The following BANK1 variants were observed in gnomAD, a reference collection of about 807,000 sequenced individuals.
BANK1 encodes B-cell scaffold protein with ankyrin repeats.
Under a neutral mutation model 94.5 loss-of-function variants are expected in BANK1, and 95 were observed. The ratio of observed to expected loss-of-function variants is 1.00; its 90% CI spans 0.85 to 1.19. BANK1 has a LOEUF of 1.19. Ranked by LOEUF, BANK1 falls within the 50% of genes most tolerant of loss-of-function variation. The pLI is 0.00. For synonymous variants in BANK1, 334 were observed against 308.4 expected, an observed-to-expected ratio of 1.08 and a Z score of -0.87; for missense variants, 987 against 932.2, an observed-to-expected ratio of 1.06 and a Z score of -0.77.
At chr4:101,845,852 G>A (rs1485185766) in intron 2 of BANK1, among the ~76,000 whole-genome samples, 1 of 152,128 alleles carries the variant, frequency 6.6e-6, no homozygotes, top group Non-Finnish European at 1.5e-5. Context: ...TTGGGCCATA[G>A]GGTTTTTGTT....
intron 7 of BANK1, among the ~76,000 whole-genome samples, chr4:102,017,212 T>C (rs1726733722): frequency 1.3e-5 from 2 of 152,122 alleles, no homozygotes; most frequent in South Asian, 4.1e-4. Context: ...GTTACAGTCT[T>C]AACAAAGAAC....
At chr4:101,879,198 A>C (rs1728591176) in intron 5 of BANK1, among the ~76,000 whole-genome samples, 1 of 152,036 alleles carries the variant, frequency 6.6e-6, no homozygotes, top group Non-Finnish European at 1.5e-5. Context: ...AAAATTGACA[A>C]ACCTTTAGCA....
intron 6 of BANK1, among the ~76,000 whole-genome samples, chr4:101,917,029 T>C (rs1383335085): frequency 6.6e-6 from 1 of 152,046 alleles, no homozygotes; most frequent in African/African-American, 2.4e-5. Flanking sequence ...AGTAAATGTG[T>C]GCATTTAAGA....
intron 7 of BANK1, among the ~76,000 whole-genome samples, chr4:101,983,985 A>C (rs1725405913): frequency 6.6e-6 from 1 of 152,064 alleles, no homozygotes; most frequent in Non-Finnish European, 1.5e-5. Flanking sequence ...ATATGTTCTG[A>C]CTGTATTAAA....
At chr4:101,973,081 A>G (rs1295703335) in intron 7 of BANK1, among the ~76,000 whole-genome samples, 2 of 151,924 alleles carry the variant, frequency 1.3e-5, no homozygotes, top group South Asian at 4.1e-4. Flanking sequence ...CTATTACCCA[A>G]CGTGGTAAAT....
chr4:102,056,172 A>G (rs1728221885), intron 11 of BANK1, among the ~76,000 whole-genome samples: 1 of 152,186 alleles, frequency 6.6e-6, no homozygotes, highest in Non-Finnish European at 1.5e-5. Flanking sequence ...CCCTCATCCT[A>G]CTGGTGAGAC....
chr4:102,026,595 G>A lies in BANK1; in HGVS notation c.1594+1086G>A, dbSNP rs141805712. Reference sequence around the variant, plus strand: ...TGTAATCCCAGCACTTTGGGAGGCCGAGGCAGGCGATTCACCTGAGGTCAG... The same window carrying A: ...TGTAATCCCAGCACTTTGGGAGGCCAAGGCAGGCGATTCACCTGAGGTCAG... On this transcript the variant is annotated intron_variant, in intron 9 of 16. Transcript: ENST00000322953. 7.0e-3 allele frequency among the ~76,000 whole-genome samples: 1,059 copies of A among 152,148 alleles called. 8 individuals are homozygous for A. Among genetic ancestry groups the A allele is most frequent in the Middle Eastern group, 0.054 (16 of 294 alleles).
At chr4:101,978,274 A>C (rs1324352258) in intron 7 of BANK1, among the ~76,000 whole-genome samples, 2 of 152,134 alleles carry the variant, frequency 1.3e-5, no homozygotes, top group South Asian at 4.1e-4. Context: ...CAGTTCTTCA[A>C]AGATCATACA....
intron 14 of BANK1, among the ~76,000 whole-genome samples, 160 bp downstream of exon 14, chr4:102,071,464 C>T (rs1477931841): frequency 2.0e-5 from 3 of 152,100 alleles, no homozygotes; most frequent in Admixed American, 6.5e-5. Flanking sequence ...CCAAAATAAA[C>T]GTGAAGCGAC....
Position 102,073,760 on chromosome 4 carries a change from G to A in BANK1, c.*5+12G>A, listed in dbSNP as rs751138824. The A allele has an allele frequency of 1.3e-6, 2 of 1,593,860 alleles. No homozygotes were observed. Among genetic ancestry groups the A allele is most frequent in the Non-Finnish European group, 1.7e-6 (2 of 1,165,200 alleles). On this transcript the variant is annotated intron_variant, in intron 16 of 16. Transcript: ENST00000322953. ...GATCATTAAAGAAGGTAAAATATTA[G>A]CTGTGTATATTTTTTAGAAAATCTA...
chr4:102,000,641 A>C (rs1338477023), intron 7 of BANK1, among the ~76,000 whole-genome samples: 1 of 152,212 alleles, frequency 6.6e-6, no homozygotes, highest in Admixed American at 6.5e-5. Flanking sequence ...GGAAACTGAT[A>C]CATGTGTTGC....
intron 7 of BANK1, among the ~76,000 whole-genome samples, chr4:102,012,654 C>G (rs1046918471): frequency 2.6e-5 from 4 of 152,122 alleles, no homozygotes; most frequent in African/African-American, 9.7e-5. Flanking sequence ...ATGTTTGCTT[C>G]TAGCTTGGAT....
rs72932000 is a variant in BANK1, at chr4:102,021,250, C to T, written c.1207-264C>T. 6.7e-3 allele frequency among the ~76,000 whole-genome samples: 1,012 copies of T among 152,132 alleles called. 11 individuals are homozygous for T. The highest frequency in any genetic ancestry group is 0.023 in the African/African-American group (940 of 41,524). ...ACTTCTTTATTACACTTAAACTTAA[C>T]GATTATTGCCTCCTTTGCATCTTAA... On this transcript the variant is annotated intron_variant, in intron 7 of 16. Coordinates refer to ENST00000322953, the MANE Select transcript of BANK1 (RefSeq NM_017935.5).
At chr4:101,945,191 A>G (rs550515799) in intron 7 of BANK1, among the ~76,000 whole-genome samples, 3 of 152,112 alleles carry the variant, frequency 2.0e-5, no homozygotes, top group Non-Finnish European at 2.9e-5. Flanking sequence ...GTATAATACT[A>G]TGATAACCTC....
Position 102,073,751 on chromosome 4 carries a change from A to G in BANK1, c.*5+3A>G, listed in dbSNP as rs1728832555. ...TGCAAGAAAGATCATTAAAGAAGGT[A>G]AAATATTAGCTGTGTATATTTTTTA... is the stretch of plus-strand genomic sequence containing the variant. On this transcript the variant is annotated splice_donor_region_variant and intron_variant, in intron 16 of 16. Coordinates refer to ENST00000322953, the MANE Select transcript of BANK1 (RefSeq NM_017935.5). 6.2e-7 allele frequency: 1 copy of G among 1,604,570 alleles called. No individual in the cohort carries two copies. Among genetic ancestry groups the G allele is most frequent in the Non-Finnish European group, 8.5e-7 (1 of 1,172,748 alleles).
chr4:102,006,348 T>TG, intron 7 of BANK1, among the ~76,000 whole-genome samples: 1 of 152,014 alleles, frequency 6.6e-6, no homozygotes, highest in Non-Finnish European at 1.5e-5. Context: ...AGTGACTGGG[T>TG]CCCACTTCTA....
chr4:101,870,283 A>G (rs1261842344), intron 4 of BANK1, among the ~76,000 whole-genome samples: 1 of 152,016 alleles, frequency 6.6e-6, no homozygotes, highest in African/African-American at 2.4e-5. Flanking sequence ...TTATTTTAAC[A>G]TGTTTTTATA....
chr4:101,960,138 A>G (rs1044459998), intron 7 of BANK1, among the ~76,000 whole-genome samples: 1 of 152,164 alleles, frequency 6.6e-6, no homozygotes, highest in Non-Finnish European at 1.5e-5. Flanking sequence ...AAAAACTAGG[A>G]GGGCATTTTT....
intron 7 of BANK1, among the ~76,000 whole-genome samples, chr4:101,964,582 T>C (rs1724682436): frequency 6.6e-6 from 1 of 152,070 alleles, no homozygotes; most frequent in Non-Finnish European, 1.5e-5. Context: ...AGTTCAATTA[T>C]GAAACTTACA....
Sources: gnomAD v4.1 joint callset for allele counts (sites outside exome capture counted in the v4.1 genomes callset) on GRCh38, gnomAD v4.1.1 for gene constraint, MANE v1.5 for transcripts, NCBI Gene and HGNC (gene_info 2026-07-23, HGNC 2026-07-21) for gene names.